The following MCTP2 variants were observed in gnomAD, a reference collection of about 807,000 sequenced individuals.
MCTP2 encodes multiple C2 and transmembrane domain containing 2.
MCTP2 carries 132 observed loss-of-function variants against 111.6 expected under a neutral mutation model. The observed-to-expected ratio is 1.18, with a 90% CI of 1.03 to 1.37. The LOEUF is 1.37. Ranked by LOEUF, MCTP2 falls within the 40% of genes most tolerant of loss-of-function variation. The pLI, the probability that MCTP2 is intolerant of heterozygous loss-of-function variation, is 0.00. For synonymous variants in MCTP2, 395 were observed against 387.7 expected, an observed-to-expected ratio of 1.02 and a Z score of -0.22; for missense variants, 1,183 against 1,067.9, an observed-to-expected ratio of 1.11 and a Z score of -1.50.
At chr15:94,266,201 C>A (rs1413523461) in intron 1 of MCTP2, among the ~76,000 whole-genome samples, 2 of 152,180 alleles carry the variant, frequency 1.3e-5, no homozygotes, top group African/African-American at 4.8e-5. Flanking sequence ...CAGAGCAGCT[C>A]CAAATAGCTT....
chr15:94,464,703 G>A (rs2073120328), intron 20 of MCTP2, among the ~76,000 whole-genome samples: 1 of 151,940 alleles, frequency 6.6e-6, no homozygotes, highest in South Asian at 2.1e-4. Context: ...ATTTTGGCAT[G>A]TAATATTCTC....
At chr15:94,468,869 C>G (rs993045870) in intron 20 of MCTP2, among the ~76,000 whole-genome samples, 1 of 152,170 alleles carries the variant, frequency 6.6e-6, no homozygotes, top group African/African-American at 2.4e-5. Flanking sequence ...CTCAAGTGAT[C>G]TGCCCACCTC....
chr15:94,419,695 A>G (rs1027091822), intron 17 of MCTP2, among the ~76,000 whole-genome samples: 1 of 151,366 alleles, frequency 6.6e-6, no homozygotes, highest in Admixed American at 6.6e-5. Context: ...CCTCTTTTAC[A>G]TTATATAGGC....
chr15:94,358,643 G>A lies in MCTP2; in HGVS notation c.1301+31G>A, dbSNP rs7166375. ...TCCCCTCTGCTTTCCAGTGGCGGGA[G>A]CATGTTTCTGCATGGGGCTGGTTCT... is the stretch of plus-strand genomic sequence containing the variant. On this transcript the variant is annotated intron_variant, in intron 10 of 22. Coordinates refer to ENST00000357742, the MANE Select transcript of MCTP2 (RefSeq NM_001385001.1). 732 of 1,609,680 alleles carry A rather than the reference G, an allele frequency of 4.5e-4. 2 individuals are homozygous for A. The African/African-American group carries it at 8.3e-3, about 18-fold the overall frequency.
chr15:94,264,504 G>A (rs960810516), intron 1 of MCTP2, among the ~76,000 whole-genome samples: 8 of 152,172 alleles, frequency 5.3e-5, no homozygotes, highest in Admixed American at 4.6e-4. Flanking sequence ...AGCTACTCGG[G>A]AGGCTGAGGC....
At chr15:94,442,026 G>T (rs1194777616) in intron 18 of MCTP2, among the ~76,000 whole-genome samples, 3 of 152,206 alleles carry the variant, frequency 2.0e-5, no homozygotes, top group East Asian at 1.9e-4. Context: ...GTATTCTCTG[G>T]ATACTTTAGA....
rs551523588 is a variant in MCTP2, at chr15:94,395,872, C to T, written c.1789-3089C>T. Among the ~76,000 whole-genome samples the T allele has an allele frequency of 1.4e-3, 212 of 152,166 alleles. 1 individual carries two copies. The highest frequency in any genetic ancestry group is 2.4e-3 in the Non-Finnish European group (160 of 67,998). On this transcript the variant is annotated intron_variant, in intron 14 of 22. Transcript: ENST00000357742. ...ACTTCTTGTACTTTTATTTACTGAC[C>T]GATTGAACCAGGGATCAGCTGTTAG...
intron 12 of MCTP2, among the ~76,000 whole-genome samples, chr15:94,375,351 A>G (rs2079709081): frequency 6.6e-6 from 1 of 152,216 alleles, no homozygotes; most frequent in South Asian, 2.1e-4. Context: ...GGGTAGGGAC[A>G]TAGATCCAAA....
At chr15:94,395,397 C>T (rs2081231464) in intron 14 of MCTP2, among the ~76,000 whole-genome samples, 1 of 152,184 alleles carries the variant, frequency 6.6e-6, no homozygotes, top group Non-Finnish European at 1.5e-5. Context: ...AAGTGTGTAT[C>T]TTTCCTCTCT....
rs556643138 is a variant in MCTP2, at chr15:94,403,897, C to T, written c.2085+1878C>T. Among the ~76,000 whole-genome samples, 44 of 152,172 alleles carry T rather than the reference C, an allele frequency of 2.9e-4. 1 individual carries two copies. Among genetic ancestry groups the T allele is most frequent in the Admixed American group, 5.9e-4 (9 of 15,276 alleles). On this transcript the variant is annotated intron_variant, in intron 17 of 22. Coordinates refer to ENST00000357742, the MANE Select transcript of MCTP2 (RefSeq NM_001385001.1). ...TTTTGCAAGGATCCATGGGTATATG[C>T]GACTGTGTGTATAGGGACATTTCTC... is the stretch of plus-strand genomic sequence containing the variant.
At position 94,483,914 on chromosome 15, in the gene MCTP2, A is replaced by G. The variant is rs1270809892; in HGVS notation, c.*4880A>G. Reference sequence around the variant, plus strand: ...GTATTAGGAATCTTGTGACAACGGAACAGTTGAAAAATTAAAATAAAAATT... The same window carrying G: ...GTATTAGGAATCTTGTGACAACGGAGCAGTTGAAAAATTAAAATAAAAATT... On this transcript the variant is annotated 3_prime_UTR_variant, in exon 23 of 23. Coordinates refer to ENST00000357742, the MANE Select transcript of MCTP2 (RefSeq NM_001385001.1). The G allele has an allele frequency of 6.6e-6, 1 of 152,210 alleles. No individual in the cohort carries two copies. The highest frequency in any genetic ancestry group is 6.5e-5 in the Admixed American group (1 of 15,274). 9.4% of individuals were successfully genotyped at this position (152,210 alleles called of 1,614,324 possible).
In MCTP2 at chr15:94,480,945, C is replaced by G. The variant is rs990216538; in HGVS notation, c.*1911C>G. 3 of 151,966 alleles carry G rather than the reference C, an allele frequency of 2.0e-5. No homozygotes were observed. The highest frequency in any genetic ancestry group is 1.3e-4 in the Admixed American group (2 of 15,254). The allele number at this position is 151,966 out of a possible 1,614,324, so 9.4% of individuals were successfully genotyped here. A position where few individuals can be genotyped will look rare whatever the true frequency, so the allele number is the denominator to read the frequency against. On this transcript the variant is annotated 3_prime_UTR_variant, in exon 23 of 23. Coordinates refer to ENST00000357742, the MANE Select transcript of MCTP2 (RefSeq NM_001385001.1). ...ACCAGCTGGGACGTAAGAGCAGGAC[C>G]GAATCAACCTTGAATAAACTGTATA...
intron 4 of MCTP2, among the ~76,000 whole-genome samples, chr15:94,338,487 C>CT (rs1772685720): frequency 4.3e-5 from 5 of 115,636 alleles, no homozygotes; most frequent in Non-Finnish European, 6.7e-5. Flanking sequence ...TGTTTGCAGG[C>CT]ATTTTTTTTT....
intron 17 of MCTP2, among the ~76,000 whole-genome samples, chr15:94,425,958 A>G (rs1159137606): frequency 6.6e-6 from 1 of 152,154 alleles, no homozygotes; most frequent in Non-Finnish European, 1.5e-5. Context: ...AATCTTATAC[A>G]AACTGTTTCT....
chr15:94,307,318 C>T (rs1169435168), intron 2 of MCTP2, among the ~76,000 whole-genome samples: 1 of 152,098 alleles, frequency 6.6e-6, no homozygotes, highest in Non-Finnish European at 1.5e-5. Flanking sequence ...GGAAGGACCT[C>T]TTCCGAGAAG....
chr15:94,421,274 A>C (rs1596653355), intron 17 of MCTP2, among the ~76,000 whole-genome samples: 1 of 152,066 alleles, frequency 6.6e-6, no homozygotes, highest in East Asian at 1.9e-4. Context: ...AAACCCAAAA[A>C]ATTGTGTGAC....
chr15:94,444,866 A>G (rs1384710675), intron 19 of MCTP2, among the ~76,000 whole-genome samples: 1 of 152,230 alleles, frequency 6.6e-6, no homozygotes, highest in Admixed American at 6.5e-5. Flanking sequence ...CACCAGTAGA[A>G]GAGGATGTCC....
At chr15:94,353,969 T>A (rs1198097000) in intron 8 of MCTP2, among the ~76,000 whole-genome samples, 1 of 151,848 alleles carries the variant, frequency 6.6e-6, no homozygotes, top group African/African-American at 2.4e-5. Flanking sequence ...ATTAACTGTT[T>A]CATAAACCTT....
Position 94,325,812 on chromosome 15 carries a change from A to ATTTTTTT in MCTP2, c.637+10195_637+10201dup, listed in dbSNP as rs557989149. 9.7e-4 allele frequency among the ~76,000 whole-genome samples: 89 copies of ATTTTTTT among 91,870 alleles called. 9 individuals carry two copies. Among genetic ancestry groups the ATTTTTTT allele is most frequent in the African/African-American group, 2.8e-3 (63 of 22,338 alleles). The allele number at this position is 91,870 out of a possible 152,430, so 60.3% of individuals were successfully genotyped here. A position where few individuals can be genotyped will look rare whatever the true frequency, so the allele number is the denominator to read the frequency against. On this transcript the variant is annotated intron_variant, in intron 4 of 22. Coordinates refer to ENST00000357742, the MANE Select transcript of MCTP2 (RefSeq NM_001385001.1). ...GAACCTACTCTACTCCATCGCTCCG[A>ATTTTTTT]TTTTTTTTTTTTTTTTTTTTTTTTT...
Sources: allele counts gnomAD v4.1 joint callset (sites outside exome capture counted in the v4.1 genomes callset), GRCh38; gene constraint gnomAD v4.1.1; transcripts MANE v1.5; gene names NCBI Gene and HGNC (gene_info 2026-07-23, HGNC 2026-07-21).